Variants in RNF19B observed in about 807,000 individuals in gnomAD.
RNF19B encodes the protein E3 ubiquitin-protein ligase RNF19B.
Under a neutral mutation model 65.5 loss-of-function variants are expected in RNF19B, and 23 were observed. The observed-to-expected ratio is 0.35, with a 90% CI of 0.25 to 0.50. The LOEUF is 0.50. Among genes scored for constraint, RNF19B ranks in the 20% least tolerant of loss-of-function variants. RNF19B has a pLI of 0.98. For missense variants in RNF19B, 794 were observed against 980.0 expected, an observed-to-expected ratio of 0.81 and a Z score of 2.53; for synonymous variants, 372 against 379.6, an observed-to-expected ratio of 0.98 and a Z score of 0.23.
chr1:32,942,273 C>G lies in RNF19B; in HGVS notation c.1589G>C (p.Ser530Thr). The change falls in exon 7 of 9, where the codon AGT becomes ACT. Residue 530 changes from serine (S) to threonine (T), a missense_variant. This residue lies in a region of RNF19B where 368 missense variants were observed against 447.3 expected (regional missense o/e 0.82). Transcript: ENST00000235150. The part of the protein sequence containing the change: ...GGTLSGGILS[S>T]GKGKYSRLEV... Reference sequence around the variant, plus strand: ...TTACCTGCTATATTTTCCCTTGCCACTGGAGAGAATGCCGCCACTCAGCGT... The same window carrying G: ...TTACCTGCTATATTTTCCCTTGCCAGTGGAGAGAATGCCGCCACTCAGCGT... The G allele has an allele frequency of 2.5e-6, 4 of 1,611,062 alleles. No individual in the cohort carries two copies. The highest frequency in any genetic ancestry group is 3.4e-6 in the Non-Finnish European group (4 of 1,177,428).
intron 1 of RNF19B, among the ~76,000 whole-genome samples, chr1:32,963,021 TA>T (rs763234629): frequency 4.2e-4 from 64 of 152,276 alleles, no homozygotes; most frequent in Non-Finnish European, 7.8e-4. Flanking sequence ...CATGGTGCAT[TA>T]AAAAGACTGT....
intron 1 of RNF19B, among the ~76,000 whole-genome samples, chr1:32,951,222 G>GT (rs1226529018): frequency 6.6e-6 from 1 of 152,166 alleles, no homozygotes. Flanking sequence ...ATGGCTCAGT[G>GT]TTGTATTTTT....
intron 7 of RNF19B, among the ~76,000 whole-genome samples, 161 bp downstream of exon 7, chr1:32,942,091 T>C (rs1034422551): frequency 6.6e-6 from 1 of 152,194 alleles, no homozygotes; most frequent in Non-Finnish European, 1.5e-5. Context: ...AGTGAGACTC[T>C]GTCTTTAAAA....
chr1:32,939,859 G>A lies in RNF19B; in HGVS notation c.1611-1331C>T, dbSNP rs1318223429. Among the ~76,000 whole-genome samples the A allele has an allele frequency of 2.0e-5, 3 of 152,352 alleles. No individual in the cohort carries two copies. The East Asian group carries it at 5.8e-4, about 29-fold the overall frequency. On this transcript the variant is annotated intron_variant, in intron 7 of 8. Coordinates refer to ENST00000235150, the MANE Select transcript of RNF19B (RefSeq NM_001300826.2). ...GCTAAGCTGCAGTTTCAGCAAGTCA[G>A]TCTCCAATTATGTCTGTCTGCTTAT...
Position 32,964,382 on chromosome 1 carries a change from C to A in RNF19B, c.304G>T (p.Asp102Tyr). The part of the protein sequence containing the change: ...AAAAAAEPGF[D>Y]DEEAAEGGGP... ...CCGCCCTCCGCCGCCTCCTCATCGT[C>A]GAACCCAGGCTCCGCCGCCGCCGCC... Residue 102 changes from aspartate (D) to tyrosine (Y), a missense_variant, in exon 1 of 9, where the codon GAC becomes TAC. By Grantham distance (160) the Asp-to-Tyr change is radical. Around this residue, in one of 3 missense-constraint regions of RNF19B, gnomAD observed 374 missense variants for 423.8 expected, o/e 0.88. Coordinates refer to ENST00000235150, the MANE Select transcript of RNF19B (RefSeq NM_001300826.2). The surrounding 1 kb of genome is among the most constrained non-coding windows in gnomAD (Gnocchi z 6.5). 7.4e-7 allele frequency: 1 copy of A among 1,356,264 alleles called. No homozygotes were observed. Among genetic ancestry groups the A allele is most frequent in the Non-Finnish European group, 9.5e-7 (1 of 1,054,470 alleles). The allele number at this position is 1,356,264 out of a possible 1,614,324, so 84.0% of individuals were successfully genotyped here. A position where few individuals can be genotyped will look rare whatever the true frequency, so the allele number is the denominator to read the frequency against.
rs1642109162 is a variant in RNF19B at position 32,936,743 on chromosome 1, A to G, written c.*63T>C. On this transcript the variant is annotated 3_prime_UTR_variant, in exon 9 of 9. Coordinates refer to ENST00000235150, the MANE Select transcript of RNF19B (RefSeq NM_001300826.2). The stretch of plus-strand genomic sequence containing the variant: ...AATCTCTACCCCTTGGAAAAAAAAA[A>G]AAAAAAATTCCAAAAGATGCAGTTA... 7.0e-7 allele frequency: 1 copy of G among 1,436,112 alleles called. No individual in the cohort carries two copies. Among genetic ancestry groups the G allele is most frequent in the Non-Finnish European group, 9.2e-7 (1 of 1,085,922 alleles). 89.0% of individuals were successfully genotyped at this position (1,436,112 alleles called of 1,614,324 possible).
At chr1:32,944,672 T>C (rs1331419009) in intron 5 of RNF19B, among the ~76,000 whole-genome samples, 1 of 152,074 alleles carries the variant, frequency 6.6e-6, no homozygotes, top group East Asian at 1.9e-4. Flanking sequence ...CTAAGTGACC[T>C]TGGGAAAATT....
At chr1:32,950,309 A>C (rs1396093599) in intron 1 of RNF19B, among the ~76,000 whole-genome samples, 2 of 152,082 alleles carry the variant, frequency 1.3e-5, no homozygotes, top group East Asian at 3.9e-4. Context: ...CAAATCATTT[A>C]TTTACTTTAA....
chr1:32,956,409 G>A (rs975100704), intron 1 of RNF19B, among the ~76,000 whole-genome samples: 4 of 151,538 alleles, frequency 2.6e-5, no homozygotes, highest in Admixed American at 2.0e-4. Flanking sequence ...TTAGCCGAGT[G>A]TGGTGGGGCG....
chr1:32,952,691 G>C (rs12142859), intron 1 of RNF19B, among the ~76,000 whole-genome samples: 1 of 151,478 alleles, frequency 6.6e-6, no homozygotes, highest in African/African-American at 2.4e-5. Flanking sequence ...GCAGTGAGCA[G>C]AGATTGCGCC....
rs761023637 is a variant in RNF19B, at chr1:32,942,237, T to G, written c.1610+15A>C. 18 of 1,587,682 alleles carry G rather than the reference T, an allele frequency of 1.1e-5. No individual in the cohort carries two copies. The East Asian group carries it at 4.1e-4, about 36-fold the overall frequency. On this transcript the variant is annotated intron_variant, in intron 7 of 8. Coordinates refer to ENST00000235150, the MANE Select transcript of RNF19B (RefSeq NM_001300826.2). ...AATTCTAACCATTTCTGTCAGAAATTATCTATTTGTTTACCTGCTATATTT... is the reference window on the plus strand; with the variant it reads ...AATTCTAACCATTTCTGTCAGAAATGATCTATTTGTTTACCTGCTATATTT...
At chr1:32,941,809 A>T (rs1230182311) in intron 7 of RNF19B, among the ~76,000 whole-genome samples, 19 of 152,112 alleles carry the variant, frequency 1.2e-4, no homozygotes, top group Admixed American at 1.2e-3. Flanking sequence ...AAAAGTAAAA[A>T]AAAAAAGGCC....
rs539694698 is a variant in RNF19B at position 32,964,168 on chromosome 1, T to A, written c.518A>T (p.His173Leu). 6.5e-7 allele frequency: 1 copy of A among 1,545,054 alleles called. No homozygotes were observed. Among genetic ancestry groups the A allele is most frequent in the African/African-American group, 1.4e-5 (1 of 72,100 alleles). Residue 173 changes from histidine to leucine, a missense_variant, in exon 1 of 9, where the codon CAC (histidine) becomes CTC (leucine). Transcript: ENST00000235150. This position sits in a 1 kb window ranked among gnomAD's most constrained non-coding sequence, Gnocchi z 6.5. ...GTCGGCGAGCAGCAAGCGGATGTCG[T>A]GCGGGTTGAGTCGCTCGCTGCACTC... ...CPECSERLNP[H>L]DIRLLLADPP...
intron 1 of RNF19B, among the ~76,000 whole-genome samples, chr1:32,962,416 G>A (rs1179949107): frequency 6.6e-6 from 1 of 152,194 alleles, no homozygotes; most frequent in Non-Finnish European, 1.5e-5. Context: ...CTTATTAACT[G>A]AAAGTGAAAG....
chr1:32,934,270 A>C (rs1174954316), downstream of RNF19B, among the ~76,000 whole-genome samples: 3 of 152,188 alleles, frequency 2.0e-5, no homozygotes, highest in African/African-American at 7.2e-5. Context: ...AGGAAGACAA[A>C]AGTGCATCTG....
intron 8 of RNF19B, among the ~76,000 whole-genome samples, chr1:32,938,140 CAAAAAAAAAAAAAA>C (rs80176999): frequency 2.2e-5 from 1 of 46,044 alleles, no homozygotes; most frequent in South Asian, 1.0e-3. Context: ...CCAAGAAAGA[CAAAAAAAAAAAAAA>C]AAAAAAGAAA....
At chr1:32,960,660 C>G (rs1401737886) in intron 1 of RNF19B, among the ~76,000 whole-genome samples, 1 of 151,606 alleles carries the variant, frequency 6.6e-6, no homozygotes. Context: ...CAACACTGTT[C>G]AAAACAAAAC....
downstream of RNF19B, among the ~76,000 whole-genome samples, chr1:32,934,970 T>G (rs892088004): frequency 3.3e-5 from 5 of 151,522 alleles, no homozygotes; most frequent in Admixed American, 2.0e-4. Flanking sequence ...GTAGCTGGAC[T>G]ACAGGTGTGC....
In RNF19B at chr1:32,964,758, GCC is replaced by G; in HGVS notation, c.-75_-74del. On this transcript the variant is annotated 5_prime_UTR_variant, in exon 1 of 9. Coordinates refer to ENST00000235150, the MANE Select transcript of RNF19B (RefSeq NM_001300826.2). This position sits in a 1 kb window ranked among gnomAD's most constrained non-coding sequence, Gnocchi z 6.5. ...CCCGCCTCAGCGCCCCTCAGCCAGC[GCC>G]CGGCCGCCGCCGACGCCGCCACCAC... is the stretch of plus-strand genomic sequence containing the variant. The G allele has an allele frequency of 7.8e-7, 1 of 1,274,148 alleles. No individual in the cohort carries two copies. Among genetic ancestry groups the G allele is most frequent in the Non-Finnish European group, 1.0e-6 (1 of 1,004,784 alleles). 78.9% of individuals were successfully genotyped at this position (1,274,148 alleles called of 1,614,324 possible). A position where few individuals can be genotyped will look rare whatever the true frequency, so the allele number is the denominator to read the frequency against.
Sources: gnomAD v4.1 joint callset for allele counts (sites outside exome capture counted in the v4.1 genomes callset) on GRCh38, gnomAD v4.1.1 for gene constraint, gnomAD v4.1.1 regional missense constraint, Gnocchi (gnomAD v3.1) non-coding constraint, MANE v1.5 for transcripts, NCBI Gene and HGNC (gene_info 2026-07-23, HGNC 2026-07-21) for gene names.